The following TPD52L1 variants were observed in gnomAD, a reference collection of about 807,000 sequenced individuals.
TPD52L1 encodes TPD52 like 1, also known as tumor protein D53.
TPD52L1 carries 18 observed loss-of-function variants against 28.7 expected under a neutral mutation model. That is an observed-to-expected ratio of 0.63 (90% CI 0.43 to 0.93). The LOEUF is 0.93. TPD52L1 is among the 40% of genes least tolerant of loss of function. TPD52L1 has a pLI of 0.00. For synonymous variants in TPD52L1, 75 were observed against 88.8 expected, an observed-to-expected ratio of 0.84 and a Z score of 0.88; for missense variants, 203 against 254.8, an observed-to-expected ratio of 0.80 and a Z score of 1.39.
rs79036100 is a variant in TPD52L1 at position 125,237,676 on chromosome 6, C to T, written c.284+8410C>T. On this transcript the variant is annotated intron_variant, in intron 3 of 6. Coordinates refer to ENST00000534000, the MANE Select transcript of TPD52L1 (RefSeq NM_003287.4). The stretch of plus-strand genomic sequence containing the variant: ...ATATAATACTGTACTTTCCTCACTT[C>T]CAACTCCTTTATTTATTTAATTTAT... Among the ~76,000 whole-genome samples, 138 of 152,214 alleles carry T rather than the reference C, an allele frequency of 9.1e-4. 1 individual carries two copies. The East Asian group carries it at 0.016, about 17-fold the overall frequency.
intron 1 of TPD52L1, among the ~76,000 whole-genome samples, chr6:125,169,476 GTCCTCCT>G (rs1791138051): frequency 6.6e-6 from 1 of 152,074 alleles, no homozygotes; most frequent in African/African-American, 2.4e-5. Flanking sequence ...AATATCCCTA[GTCCTCCT>G]AAGTTCATCC....
intron 3 of TPD52L1, among the ~76,000 whole-genome samples, chr6:125,231,018 A>G (rs1795917782): frequency 6.6e-6 from 1 of 152,236 alleles, no homozygotes; most frequent in South Asian, 2.1e-4. Flanking sequence ...AAATGAGCTT[A>G]TCTGTCAGTA....
At position 125,263,393 on chromosome 6, in the gene TPD52L1, C is replaced by A; in HGVS notation, c.*431C>A. The A allele has an allele frequency of 6.4e-6, 1 of 157,168 alleles. No individual in the cohort carries two copies. Among genetic ancestry groups the A allele is most frequent in the East Asian group, 1.9e-4 (1 of 5,352 alleles). 9.7% of individuals were successfully genotyped at this position (157,168 alleles called of 1,614,324 possible). ...TGGAGCTCTTCATGACTGTCTCCAGCAATAGGATGATTTACTATAAATTTC... is the reference window on the plus strand; with the variant it reads ...TGGAGCTCTTCATGACTGTCTCCAGAAATAGGATGATTTACTATAAATTTC... On this transcript the variant is annotated 3_prime_UTR_variant, in exon 7 of 7. Coordinates refer to ENST00000534000, the MANE Select transcript of TPD52L1 (RefSeq NM_003287.4).
chr6:125,174,903 C>A (rs190606975), intron 1 of TPD52L1, among the ~76,000 whole-genome samples: 266 of 152,306 alleles, frequency 1.7e-3, no homozygotes, highest in Admixed American at 3.9e-3. Flanking sequence ...TGTTGCTTAA[C>A]ACCATGCTTC....
intron 1 of TPD52L1, among the ~76,000 whole-genome samples, chr6:125,192,181 C>G (rs1172304385): frequency 3.3e-5 from 5 of 152,118 alleles, no homozygotes; most frequent in African/African-American, 1.2e-4. Context: ...GGACACTAGA[C>G]ATTTAACTGT....
chr6:125,158,049 C>T (rs1463298616), intron 1 of TPD52L1, among the ~76,000 whole-genome samples: 1 of 152,136 alleles, frequency 6.6e-6, no homozygotes, highest in African/African-American at 2.4e-5. Flanking sequence ...ATGCTGCTTT[C>T]TGTTCTGTTC....
chr6:125,252,117 A>C lies in TPD52L1; in HGVS notation c.387-1600A>C, dbSNP rs1797310325. On this transcript the variant is annotated intron_variant, in intron 4 of 6. Coordinates refer to ENST00000534000, the MANE Select transcript of TPD52L1 (RefSeq NM_003287.4). ...CTTTCCAGGGCTCCCTGTTTCTTTC[A>C]CACTGTGCCTGAACCAACAAAACTA... is the stretch of plus-strand genomic sequence containing the variant. 3 of 1,484,124 alleles carry C rather than the reference A, an allele frequency of 2.0e-6. No homozygotes were observed. The African/African-American group carries it at 4.2e-5, about 21-fold the overall frequency. 91.9% of individuals were successfully genotyped at this position (1,484,124 alleles called of 1,614,324 possible).
rs897993219 is a variant in TPD52L1 at position 125,195,424 on chromosome 6, G to T, written c.20-24654G>T. ...TAAATCATATTTATTTTCACACTGG[G>T]TACATTGTGGACCGCTAAGTCCTTT... On this transcript the variant is annotated intron_variant, in intron 1 of 6. Transcript: ENST00000534000. 3.3e-5 allele frequency among the ~76,000 whole-genome samples: 5 copies of T among 152,144 alleles called. No individual in the cohort carries two copies. In the South Asian group the frequency reaches 1.0e-3, roughly 32 times the overall value.
intron 1 of TPD52L1, among the ~76,000 whole-genome samples, chr6:125,204,488 T>A (rs1562277997): frequency 6.6e-6 from 1 of 151,868 alleles, no homozygotes; most frequent in Non-Finnish European, 1.5e-5. Flanking sequence ...TTTTTATTTT[T>A]ATTTTTTTTT....
At chr6:125,215,401 CT>C (rs908659805) in intron 1 of TPD52L1, among the ~76,000 whole-genome samples, 6 of 152,288 alleles carry the variant, frequency 3.9e-5, no homozygotes, top group African/African-American at 1.4e-4. Flanking sequence ...AATAGCAGAT[CT>C]TGTTTTCATT....
chr6:125,168,102 T>C (rs1791025747), intron 1 of TPD52L1, among the ~76,000 whole-genome samples: 1 of 152,182 alleles, frequency 6.6e-6, no homozygotes, highest in South Asian at 2.1e-4. Context: ...TAGACACAAA[T>C]AGAACTTTGT....
At chr6:125,235,217 T>A (rs1408751434) in intron 3 of TPD52L1, among the ~76,000 whole-genome samples, 3 of 151,910 alleles carry the variant, frequency 2.0e-5, no homozygotes, top group Non-Finnish European at 4.4e-5. Flanking sequence ...CCTATCTTAC[T>A]CATGCAACTT....
rs747369305 is a variant in TPD52L1, at chr6:125,220,232, G to A, written c.135+39G>A. 4 of 1,313,336 alleles carry A rather than the reference G, an allele frequency of 3.0e-6. No individual in the cohort carries two copies. The South Asian group carries it at 3.6e-5, about 12-fold the overall frequency. 81.4% of individuals were successfully genotyped at this position (1,313,336 alleles called of 1,614,324 possible). On this transcript the variant is annotated intron_variant, in intron 2 of 6. Coordinates refer to ENST00000534000, the MANE Select transcript of TPD52L1 (RefSeq NM_003287.4). ...TCTTATTGTTGCTATTTCTATCTCTGGATCTTAAGAGTTATTATTAGTTTG... is the reference window on the plus strand; with the variant it reads ...TCTTATTGTTGCTATTTCTATCTCTAGATCTTAAGAGTTATTATTAGTTTG...
intron 4 of TPD52L1, among the ~76,000 whole-genome samples, chr6:125,251,479 A>T (rs1797261434): frequency 6.6e-6 from 1 of 152,142 alleles, no homozygotes; most frequent in African/African-American, 2.4e-5. Context: ...TTATGTTAAG[A>T]TTTAATTTGT....
intron 2 of TPD52L1, among the ~76,000 whole-genome samples, chr6:125,222,541 C>A (rs924486049): frequency 1.6e-4 from 25 of 152,202 alleles, no homozygotes; most frequent in African/African-American, 5.6e-4. Context: ...TGCCAGGTGT[C>A]CAGCCTCCTC....
intron 1 of TPD52L1, among the ~76,000 whole-genome samples, chr6:125,202,515 AG>A (rs1222083438): frequency 6.6e-6 from 1 of 152,172 alleles, no homozygotes; most frequent in Non-Finnish European, 1.5e-5. Context: ...AGCTAACCAA[AG>A]AAATGAGTGG....
intron 3 of TPD52L1, among the ~76,000 whole-genome samples, chr6:125,241,051 G>A (rs1796583648): frequency 1.3e-5 from 2 of 151,962 alleles, no homozygotes; most frequent in South Asian, 4.1e-4. Flanking sequence ...GCCATATTTT[G>A]TCAAATAACT....
chr6:125,245,830 C>T lies in TPD52L1; in HGVS notation c.285-2452C>T, dbSNP rs1047405088. ...CAATGAACTCAGACCTGCCCCAGGC[C>T]ATAGGCTTCCCTGCTGAGAAAGCAA... On this transcript the variant is annotated intron_variant, in intron 3 of 6. Coordinates refer to ENST00000534000, the MANE Select transcript of TPD52L1 (RefSeq NM_003287.4). Among the ~76,000 whole-genome samples, 3 of 152,206 alleles carry T rather than the reference C, an allele frequency of 2.0e-5. No individual in the cohort carries two copies. The South Asian group carries it at 6.2e-4, about 32-fold the overall frequency.
chr6:125,237,804 C>T (rs889213561), intron 3 of TPD52L1, among the ~76,000 whole-genome samples: 3 of 151,920 alleles, frequency 2.0e-5, no homozygotes, highest in African/African-American at 7.2e-5. Flanking sequence ...CCACCCAGCC[C>T]TGATTTTGTT....
Sources: allele counts gnomAD v4.1 joint callset (sites outside exome capture counted in the v4.1 genomes callset), GRCh38; gene constraint gnomAD v4.1.1; transcripts MANE v1.5; gene names NCBI Gene and HGNC (gene_info 2026-07-23, HGNC 2026-07-21).